The following RPS6KA2 variants were observed in gnomAD, a reference collection of about 807,000 sequenced individuals.
RPS6KA2 encodes the protein ribosomal protein S6 kinase alpha-2.
A neutral mutation model predicts 91.8 loss-of-function variants in RPS6KA2; 42 were observed. The observed-to-expected ratio is 0.46, with a 90% confidence interval of 0.36 to 0.59. The LOEUF is 0.59. Among genes scored for constraint, RPS6KA2 ranks in the 20% least tolerant of loss-of-function variants. RPS6KA2 has a pLI of 0.00. For missense variants in RPS6KA2, 798 were observed against 978.5 expected, an observed-to-expected ratio of 0.82 and a Z score of 2.46; for synonymous variants, 414 against 393.6, an observed-to-expected ratio of 1.05 and a Z score of -0.61.
intron 1 of RPS6KA2, among the ~76,000 whole-genome samples, chr6:166,583,114 G>C (rs1489238538): frequency 6.6e-6 from 1 of 152,142 alleles, no homozygotes; most frequent in African/African-American, 2.4e-5. Context: ...AAAGCAGTTT[G>C]GTAAGTTTTA....
intron 2 of RPS6KA2, among the ~76,000 whole-genome samples, chr6:166,780,961 G>A (rs751730284): frequency 2.6e-5 from 4 of 152,186 alleles, no homozygotes; most frequent in Admixed American, 1.3e-4. Flanking sequence ...TGACTACTCC[G>A]ATATTCGGAC....
At chr6:166,551,327 C>A (rs1408699082) in intron 1 of RPS6KA2, among the ~76,000 whole-genome samples, 1 of 152,222 alleles carries the variant, frequency 6.6e-6, no homozygotes, top group African/African-American at 2.4e-5. Context: ...GTCCTAACTA[C>A]TTTTTCAGTT....
intron 6 of RPS6KA2, 75 bp downstream of exon 6, chr6:166,504,431 G>T: frequency 1.2e-6 from 1 of 848,206 alleles, no homozygotes; most frequent in Non-Finnish European, 1.9e-6. Context: ...TCTAGCAGTG[G>T]CTACCAACAT....
Position 166,648,262 on chromosome 6 carries a change from A to G in RPS6KA2, c.124-109478T>C, listed in dbSNP as rs1184269050. On this transcript the variant is annotated intron_variant, in intron 2 of 21. Transcript: ENST00000503859. The surrounding 1 kb of genome is among the most constrained non-coding windows in gnomAD (Gnocchi z 4.8). ...CACATTCACACAGGCACACACACTC[A>G]TGTTCATACACACGCATGCACACAG... Among the ~76,000 whole-genome samples, 1 of 150,704 alleles carries G rather than the reference A, an allele frequency of 6.6e-6. No homozygotes were observed. The highest frequency in any genetic ancestry group is 1.5e-5 in the Non-Finnish European group (1 of 67,746).
At chr6:166,752,298 C>T (rs10946186) in intron 2 of RPS6KA2, among the ~76,000 whole-genome samples, 62,219 of 151,998 alleles carry the variant, frequency 0.41, 13,251 homozygotes, top group Non-Finnish European at 0.48. Context: ...GGCTGTGAAG[C>T]GCGTCCACAG....
chr6:166,791,778 C>T (rs9459759), intron 2 of RPS6KA2, among the ~76,000 whole-genome samples: 45,801 of 151,160 alleles, frequency 0.3, 7,607 homozygotes, highest in Middle Eastern at 0.34. Flanking sequence ...GGGTACATAA[C>T]GAAATGAAGG....
rs374368689 is a variant in RPS6KA2, at chr6:166,627,037, G to C, written c.-18C>G. The C allele has an allele frequency of 4.9e-6, 7 of 1,431,866 alleles. No homozygotes were observed. Among genetic ancestry groups the C allele is most frequent in the Admixed American group, 2.3e-5 (1 of 43,306 alleles). 88.7% of individuals were successfully genotyped at this position (1,431,866 alleles called of 1,614,324 possible). On this transcript the variant is annotated 5_prime_UTR_variant, in exon 1 of 21. Transcript: ENST00000265678. ...AGGTCCATCGCCCCGCGCCCAGCCC[G>C]GAGCAGCCGCAGGGCCGGGGGACGC...
chr6:166,437,271 C>A lies in RPS6KA2; in HGVS notation c.1333-4781G>T, dbSNP rs192680996. Among the ~76,000 whole-genome samples the A allele has an allele frequency of 1.2e-4, 18 of 152,224 alleles. No individual in the cohort carries two copies. In the South Asian group the frequency reaches 1.2e-3, roughly 11 times the overall value. ...ATGGGGTCGGTTTCTTGGGGTTGAC[C>A]GTGTTGGTCTTACTCTTATTAGAGC... On this transcript the variant is annotated intron_variant, in intron 14 of 20. Coordinates refer to ENST00000265678, the MANE Select transcript of RPS6KA2 (RefSeq NM_021135.6). This position sits in a 1 kb window ranked among gnomAD's most constrained non-coding sequence, Gnocchi z 4.3.
In RPS6KA2 at chr6:166,437,424, T is replaced by C. The variant is rs914797029; in HGVS notation, c.1333-4934A>G. Among the ~76,000 whole-genome samples the C allele has an allele frequency of 9.9e-5, 15 of 152,284 alleles. No homozygotes were observed. The highest frequency in any genetic ancestry group is 2.2e-4 in the African/African-American group (9 of 41,558). On this transcript the variant is annotated intron_variant, in intron 14 of 20. Transcript: ENST00000265678. The surrounding 1 kb of genome is among the most constrained non-coding windows in gnomAD (Gnocchi z 4.3). Reference sequence around the variant, plus strand: ...CAAGGCCTCCCCTCCAGGCTGACGCTCAAATAATGCTGACGCGCCACGGAG... The same window carrying C: ...CAAGGCCTCCCCTCCAGGCTGACGCCCAAATAATGCTGACGCGCCACGGAG...
intron 11 of RPS6KA2, among the ~76,000 whole-genome samples, chr6:166,468,268 T>C (rs1307232323): frequency 6.6e-6 from 1 of 152,248 alleles, no homozygotes; most frequent in African/African-American, 2.4e-5. Context: ...TTTCATTTCT[T>C]GGAGGTCCTG....
At chr6:166,601,570 A>G (rs1785729420) in intron 1 of RPS6KA2, among the ~76,000 whole-genome samples, 1 of 152,244 alleles carries the variant, frequency 6.6e-6, no homozygotes, top group Admixed American at 6.5e-5. Flanking sequence ...GGTTAGACAC[A>G]TGAAACAGAA....
intron 1 of RPS6KA2, among the ~76,000 whole-genome samples, chr6:166,606,859 G>A (rs1461371548): frequency 1.3e-5 from 2 of 152,108 alleles, no homozygotes; most frequent in African/African-American, 2.4e-5. Flanking sequence ...AATGGATCTC[G>A]GCTGGGCATG....
chr6:166,742,824 G>A (rs912309875), intron 2 of RPS6KA2, among the ~76,000 whole-genome samples: 11 of 152,240 alleles, frequency 7.2e-5, no homozygotes, highest in Admixed American at 2.0e-4. Flanking sequence ...TCTGTGTCCC[G>A]TCCGTGCCTG....
At chr6:166,703,005 C>T (rs772128939) in intron 2 of RPS6KA2, among the ~76,000 whole-genome samples, 1 of 152,020 alleles carries the variant, frequency 6.6e-6, no homozygotes, top group Non-Finnish European at 1.5e-5. Context: ...AAATCAGATC[C>T]GAGGCTTGTT....
rs1779088071 is a variant in RPS6KA2 at position 166,430,539 on chromosome 6, G to C, written c.1495C>G (p.Leu499Val). ...CGCTCCGAGAAGTATCTCTGCCGGAGGATGCGGTCCAGGAGCTCCCCACCA... is the reference window on the plus strand; with the variant it reads ...CGCTCCGAGAAGTATCTCTGCCGGACGATGCGGTCCAGGAGCTCCCCACCA... ...MRGGELLDRI[L>V]RQRYFSEREA... Residue 499 changes from leucine to valine, a missense_variant, in exon 16 of 21, where the codon CTC (leucine) becomes GTC (valine). Physicochemically the swap from Leu to Val is conservative, Grantham distance 32 (BLOSUM62 1). Coordinates refer to ENST00000265678, the MANE Select transcript of RPS6KA2 (RefSeq NM_021135.6). The C allele has an allele frequency of 1.9e-6, 3 of 1,613,964 alleles. No homozygotes were observed. Among genetic ancestry groups the C allele is most frequent in the Non-Finnish European group, 1.7e-6 (2 of 1,180,010 alleles).
At chr6:166,781,991 C>A (rs1778785717) in intron 2 of RPS6KA2, among the ~76,000 whole-genome samples, 1 of 152,150 alleles carries the variant, frequency 6.6e-6, no homozygotes, top group Non-Finnish European at 1.5e-5. Context: ...GTTATGACAA[C>A]CAAAAATGTC....
At chr6:166,801,347 A>C (rs922792155) in intron 2 of RPS6KA2, among the ~76,000 whole-genome samples, 1 of 145,952 alleles carries the variant, frequency 6.9e-6, no homozygotes. Context: ...ATTTTATTTT[A>C]TTTTATTTAT....
At chr6:166,496,279 G>C (rs955022674) in intron 8 of RPS6KA2, among the ~76,000 whole-genome samples, 2 of 151,792 alleles carry the variant, frequency 1.3e-5, no homozygotes, top group Admixed American at 6.6e-5. Flanking sequence ...GAACCCAGGA[G>C]GCGGAGGTTG....
intron 2 of RPS6KA2, among the ~76,000 whole-genome samples, chr6:166,538,022 T>C (rs1017771629): frequency 6.6e-6 from 1 of 152,250 alleles, no homozygotes; most frequent in Non-Finnish European, 1.5e-5. Context: ...TAGCTTTTAT[T>C]GCTGCAATTT....
Sources: allele counts gnomAD v4.1 joint callset (sites outside exome capture counted in the v4.1 genomes callset), GRCh38; gene constraint gnomAD v4.1.1; non-coding constraint Gnocchi (gnomAD v3.1); transcripts MANE v1.5; gene names NCBI Gene and HGNC (gene_info 2026-07-23, HGNC 2026-07-21).